The following PCDHA2 variants were observed in gnomAD, a reference collection of about 807,000 sequenced individuals.
The protein encoded by PCDHA2 is protocadherin alpha 2, also known as protocadherin alpha-2.
A neutral mutation model predicts 66.0 loss-of-function variants in PCDHA2; 58 were observed. The ratio of observed to expected loss-of-function variants is 0.88; its 90% CI spans 0.71 to 1.09. The LOEUF (loss-of-function observed/expected upper bound fraction) is 1.09. Among genes scored for constraint, PCDHA2 ranks in the 50% least tolerant of loss-of-function variants. The probability of loss-of-function intolerance (pLI) is 0.00; values close to 1 mark genes in which losing one functional copy is unlikely to be tolerated. For synonymous variants in PCDHA2, 634 were observed against 554.0 expected (o/e 1.14, Z -2.03); for missense variants, 1,267 against 1,242.3 (o/e 1.02, Z -0.30).
intron 1 of PCDHA2, among the ~76,000 whole-genome samples, chr5:140,839,337 T>C (rs1776156207): frequency 6.6e-6 from 1 of 151,424 alleles, no homozygotes; most frequent in Non-Finnish European, 1.5e-5. Context: ...CTGAAGTTGA[T>C]AGGGGATCCT....
intron 1 of PCDHA2, among the ~76,000 whole-genome samples, chr5:140,798,849 T>G (rs1004986334): frequency 6.6e-6 from 1 of 152,232 alleles, no homozygotes; most frequent in Admixed American, 6.5e-5. Flanking sequence ...AATAACTGTC[T>G]TAAACGGTCC....
chr5:140,968,176 G>A, intron 1 of PCDHA2: 1 of 1,614,062 alleles, frequency 6.2e-7, no homozygotes, highest in Non-Finnish European at 8.5e-7. Flanking sequence ...CAAGCTTCCT[G>A]GAGGACTCCT....
chr5:140,969,391 A>G, intron 1 of PCDHA2: 2 of 1,592,664 alleles, frequency 1.3e-6, no homozygotes, highest in South Asian at 2.3e-5. Flanking sequence ...ATCCCCCAAT[A>G]TCCTGTGATT....
At chr5:140,940,645 A>G (rs1554213545) in intron 1 of PCDHA2, among the ~76,000 whole-genome samples, 1 of 152,156 alleles carries the variant, frequency 6.6e-6, no homozygotes, top group Non-Finnish European at 1.5e-5. Flanking sequence ...TCATTTATTT[A>G]TTTAAATATA....
At chr5:140,940,994 G>A (rs1375374431) in intron 1 of PCDHA2, among the ~76,000 whole-genome samples, 1 of 152,094 alleles carries the variant, frequency 6.6e-6, no homozygotes, top group Non-Finnish European at 1.5e-5. Context: ...AAGTTTATAG[G>A]ATTAAATTTT....
intron 1 of PCDHA2, among the ~76,000 whole-genome samples, chr5:140,880,962 A>G (rs1439455519): frequency 6.6e-6 from 1 of 152,224 alleles, no homozygotes; most frequent in Non-Finnish European, 1.5e-5. Context: ...GATGAGGGTA[A>G]GAGAATACCA....
At chr5:141,000,419 ATATTTTTTT>A (rs2097927194) in intron 3 of PCDHA2, among the ~76,000 whole-genome samples, 6 of 60,996 alleles carry the variant, frequency 9.8e-5, no homozygotes, top group Non-Finnish European at 1.1e-4. Flanking sequence ...ATATATATAT[ATATTTTTTT>A]TTTTTTTTTT....
rs782439866 is a variant in PCDHA2, at chr5:140,871,196, A to G, written c.2388+73844A>G. ...GCTGCGCTGGTGGATGTCAACGTGT[A>G]CCTGATCATCGCCATCTGCGTGGTG... On this transcript the variant is annotated intron_variant, in intron 1 of 3. Coordinates refer to ENST00000526136, the MANE Select transcript of PCDHA2 (RefSeq NM_018905.3). 19 of 1,613,546 alleles carry G rather than the reference A, an allele frequency of 1.2e-5. No homozygotes were observed. Among genetic ancestry groups the G allele is most frequent in the Non-Finnish European group, 1.6e-5 (19 of 1,179,946 alleles).
chr5:140,969,019 G>C lies in PCDHA2; in HGVS notation c.2389-9930G>C. 3.1e-6 allele frequency: 5 copies of C among 1,614,164 alleles called. No homozygotes were observed. The South Asian group carries it at 5.5e-5, about 18-fold the overall frequency. ...GAGGCTTCTGTGGAGTAAGGGAAAG[G>C]TCCCCTGCAGAACTGTACAAACAAG... On this transcript the variant is annotated intron_variant, in intron 1 of 3. Transcript: ENST00000526136.
chr5:140,830,074 G>C (rs374237990), intron 1 of PCDHA2: 1 of 1,613,702 alleles, frequency 6.2e-7, no homozygotes, highest in Non-Finnish European at 8.5e-7. Context: ...CGCTGACAGC[G>C]ACGGCCACGG....
chr5:140,996,365 T>C (rs1017086317), intron 3 of PCDHA2, among the ~76,000 whole-genome samples: 4 of 152,196 alleles, frequency 2.6e-5, no homozygotes, highest in African/African-American at 9.7e-5. Context: ...GAAGCCATTT[T>C]GTTGTCGGCT....
intron 1 of PCDHA2, chr5:140,868,870 C>T: frequency 1.6e-6 from 1 of 619,808 alleles, no homozygotes; most frequent in Admixed American, 3.3e-5. Flanking sequence ...ATGCAGTGCA[C>T]AGTACTCACA....
intron 1 of PCDHA2, chr5:140,867,841 C>T (rs1554161566): frequency 1.3e-5 from 2 of 151,958 alleles, no homozygotes; most frequent in African/African-American, 4.8e-5. Flanking sequence ...GGTAATTTAC[C>T]ATTTAGTTGA....
At chr5:140,978,405 A>G (rs919688095) in intron 1 of PCDHA2, among the ~76,000 whole-genome samples, 1 of 152,220 alleles carries the variant, frequency 6.6e-6, no homozygotes, top group Non-Finnish European at 1.5e-5. Context: ...TCCCTCTTCA[A>G]TCAGAAAAGA....
chr5:140,832,322 A>G (rs187612308), intron 1 of PCDHA2, among the ~76,000 whole-genome samples: 3 of 152,242 alleles, frequency 2.0e-5, no homozygotes, highest in Non-Finnish European at 2.9e-5. Context: ...CTTAAGGGCC[A>G]TTAGAGGACT....
chr5:140,941,259 T>TTC (rs1340815463), intron 1 of PCDHA2, among the ~76,000 whole-genome samples: 28 of 121,830 alleles, frequency 2.3e-4, no homozygotes, highest in East Asian at 1.1e-3. Flanking sequence ...TTCTTTCTCT[T>TTC]TCTTTCTTTC....
intron 1 of PCDHA2, chr5:140,815,973 G>T (rs1466366404): frequency 6.6e-6 from 1 of 152,142 alleles, no homozygotes; most frequent in Non-Finnish European, 1.5e-5. Context: ...TCTTTTGTAC[G>T]TGATGAGGCA....
At chr5:140,991,782 C>A (rs1257930918) in intron 3 of PCDHA2, among the ~76,000 whole-genome samples, 1 of 152,158 alleles carries the variant, frequency 6.6e-6, no homozygotes, top group Non-Finnish European at 1.5e-5. Flanking sequence ...AGACTCTGCC[C>A]ATTTCCCAAT....
Position 140,795,108 on chromosome 5 carries a change from C to T in PCDHA2, c.144C>T (p.Ile48=). The T allele has an allele frequency of 6.2e-7, 1 of 1,614,042 alleles. No individual in the cohort carries two copies. The highest frequency in any genetic ancestry group is 8.5e-7 in the Non-Finnish European group (1 of 1,180,042). The part of the protein sequence containing the change: ...EAKHGTFVGR[I]AQDLGLELEE... ...AACACGGCACCTTCGTGGGCCGCAT[C>T]GCGCAGGACCTGGGGCTGGAGCTGG... Residue 48 remains isoleucine (I), a synonymous_variant, in exon 1 of 4, where the codon ATC becomes ATT. Transcript: ENST00000526136.
Sources: gnomAD v4.1 joint callset for allele counts (sites outside exome capture counted in the v4.1 genomes callset) on GRCh38, gnomAD v4.1.1 for gene constraint, MANE v1.5 for transcripts, NCBI Gene and HGNC (gene_info 2026-07-23, HGNC 2026-07-21) for gene names.